The following CROCC variants were observed in gnomAD, a reference collection of about 807,000 sequenced individuals.
CROCC encodes rootletin.
A neutral mutation model predicts 245.2 loss-of-function variants in CROCC; 180 were observed. The ratio of observed to expected loss-of-function variants is 0.73; its 90% CI spans 0.65 to 0.83. CROCC has a LOEUF of 0.83. Among genes scored for constraint, CROCC ranks in the 40% least tolerant of loss-of-function variants. CROCC has a pLI of 0.00. For missense variants in CROCC, 2,688 were observed against 2,779.4 expected, an observed-to-expected ratio of 0.97 and a Z score of 0.74; for synonymous variants, 1,205 against 1,241.6, an observed-to-expected ratio of 0.97 and a Z score of 0.62.
chr1:16,939,216 G>GGGGGC (rs1445620166), intron 12 of CROCC, 74 bp downstream of exon 12: 8 of 1,261,010 alleles, frequency 6.3e-6, no homozygotes, highest in African/African-American at 1.6e-5. Context: ...GGGTGGGGGC[G>GGGGGC]GGGGCGGGGG....
Position 16,954,407 on chromosome 1 carries a change from C to T in CROCC, c.3321+50C>T. 1 of 1,574,768 alleles carries T rather than the reference C, an allele frequency of 6.4e-7. No individual in the cohort carries two copies. Among genetic ancestry groups the T allele is most frequent in the Non-Finnish European group, 8.6e-7 (1 of 1,156,918 alleles). ...CTCTGTCTCATAGAGAGGCACATCC[C>T]TGGCTGAGGAGCCCCCACCACGGGG... On this transcript the variant is annotated intron_variant, in intron 22 of 36. Transcript: ENST00000375541. The surrounding 1 kb of genome is among the most constrained non-coding windows in gnomAD (Gnocchi z 4.4).
chr1:16,939,231 T>C, intron 12 of CROCC, 89 bp downstream of exon 12: 3 of 853,990 alleles, frequency 3.5e-6, no homozygotes, highest in Non-Finnish European at 4.8e-6. Context: ...CGGGGGCAGG[T>C]CCGGGGCCAG....
chr1:16,939,622 G>T (rs12049289), intron 12 of CROCC, among the ~76,000 whole-genome samples: 26,571 of 130,600 alleles, frequency 0.2, 1 homozygote, highest in East Asian at 0.45. Context: ...CCCAGGAGAC[G>T]AGTGTGCCTG....
At chr1:16,952,083 T>TA (rs2076170827) in intron 20 of CROCC, 1 of 151,460 alleles carries the variant, frequency 6.6e-6, no homozygotes, top group South Asian at 2.1e-4. Flanking sequence ...AGAGACGGGA[T>TA]TTCACCATAT....
chr1:16,969,668 C>A lies in CROCC; in HGVS notation c.5302-117C>A, dbSNP rs191241358. On this transcript the variant is annotated intron_variant, in intron 32 of 36. Transcript: ENST00000375541. ...TGGATGGGTTTGGTGTGCACCCCAC[C>A]CTCCAGGTGAGATGACTGCCTGTTT... 8.8e-5 allele frequency: 126 copies of A among 1,427,142 alleles called. No individual in the cohort carries two copies. In the African/African-American group the frequency reaches 1.7e-3, roughly 19 times the overall value. The allele number at this position is 1,427,142 out of a possible 1,614,324, so 88.4% of individuals were successfully genotyped here.
rs2075865235 is a variant in CROCC at position 16,939,216 on chromosome 1, G to GTGGGC, written c.1608+74_1608+75insTGGGC. ...GGGCTCGCGCCCTCCGGGTGGGGGC[G>GTGGGC]GGGGCGGGGGCAGGTCCGGGGCCAG... On this transcript the variant is annotated intron_variant, in intron 12 of 36. Transcript: ENST00000375541. The GTGGGC allele has an allele frequency of 6.3e-6, 8 of 1,261,012 alleles. No individual in the cohort carries two copies. The South Asian group carries it at 7.3e-5, about 12-fold the overall frequency. 78.1% of individuals were successfully genotyped at this position (1,261,012 alleles called of 1,614,324 possible). A position where few individuals can be genotyped will look rare whatever the true frequency, so the allele number is the denominator to read the frequency against.
chr1:16,969,917 C>T lies in CROCC; in HGVS notation c.5434C>T (p.Leu1812=). The T allele has an allele frequency of 6.3e-7, 1 of 1,599,096 alleles. No individual in the cohort carries two copies. Among genetic ancestry groups the T allele is most frequent in the South Asian group, 1.1e-5 (1 of 87,928 alleles). The part of the protein sequence containing the change: ...ELQRVEAEGQ[L]QQLREVLRQR... ...GCAGCGGGTGGAGGCCGAGGGCCAG[C>T]TACAACAGCTACGGGAGGTGAGGGC... Residue 1812 remains leucine, a synonymous_variant, in exon 33 of 37, where the codon CTA becomes TTA. Coordinates refer to ENST00000375541, the MANE Select transcript of CROCC (RefSeq NM_014675.5).
Position 16,930,584 on chromosome 1 carries a change from G to A in CROCC, c.839G>A (p.Arg280His), listed in dbSNP as rs745994746. Residue 280 changes from arginine to histidine, a missense_variant, in exon 7 of 37, where the codon CGC (arginine) becomes CAC (histidine). Physicochemically the swap from Arg to His is conservative, Grantham distance 29. This residue lies in a region of CROCC where 972 missense variants were observed against 895.3 expected (regional missense o/e 1.09). Coordinates refer to ENST00000375541, the MANE Select transcript of CROCC (RefSeq NM_014675.5). ...GAGCACCGGGAGGCGGCGTGGAGGC[G>A]CGAGGAGGAGGTGGGCATGGGGGTG... is the stretch of plus-strand genomic sequence containing the variant. Reference protein sequence around the residue: ...ELEHREAAWRREEESFNAYFS... With the variant: ...ELEHREAAWRHEEESFNAYFS... 2.4e-5 allele frequency: 38 copies of A among 1,609,892 alleles called. No homozygotes were observed. Among genetic ancestry groups the A allele is most frequent in the South Asian group, 1.7e-4 (15 of 90,456 alleles).
intron 3 of CROCC, among the ~76,000 whole-genome samples, chr1:16,925,940 C>T (rs1230804052): frequency 2.2e-4 from 33 of 152,260 alleles, no homozygotes; most frequent in Admixed American, 2.1e-3. Context: ...TTGGTCCATG[C>T]ATGGCACAGT....
chr1:16,959,189 A>AT (rs2076292933), intron 26 of CROCC, among the ~76,000 whole-genome samples: 1 of 151,848 alleles, frequency 6.6e-6, no homozygotes, highest in African/African-American at 2.4e-5. Context: ...CGCCCAGCTA[A>AT]TTTTTTGTAT....
upstream of CROCC, among the ~76,000 whole-genome samples, chr1:16,921,162 C>T (rs1381902616): frequency 1.3e-5 from 2 of 152,262 alleles, no homozygotes; most frequent in African/African-American, 2.4e-5. Context: ...GTTTCATCCC[C>T]GGACGGCTCC....
In CROCC at chr1:16,962,523, A is replaced by G. The variant is rs772619212; in HGVS notation, c.4405+1393A>G. 5.6e-4 allele frequency among the ~76,000 whole-genome samples: 76 copies of G among 135,686 alleles called. 1 individual carries two copies. The highest frequency in any genetic ancestry group is 4.7e-4 in the Non-Finnish European group (30 of 64,426). The allele number at this position is 135,686 out of a possible 152,430, so 89.0% of individuals were successfully genotyped here. On this transcript the variant is annotated intron_variant, in intron 27 of 36. Transcript: ENST00000375541. ...GCACTCCAGCCTGGGCGACAGAGCTAGACTCCGTCTCAAAAAAAAAAAAAA... is the reference window on the plus strand; with the variant it reads ...GCACTCCAGCCTGGGCGACAGAGCTGGACTCCGTCTCAAAAAAAAAAAAAA...
intron 13 of CROCC, among the ~76,000 whole-genome samples, chr1:16,942,926 C>T (rs1456673368): frequency 5.9e-5 from 9 of 152,066 alleles, no homozygotes; most frequent in Non-Finnish European, 1.0e-4. Context: ...GCCAACATGG[C>T]GAAACCCCAT....
At position 16,969,591 on chromosome 1, in the gene CROCC, G is replaced by A. The variant is rs535891022; in HGVS notation, c.5302-194G>A. ...GGACCCAGGGGCAGGGTTTATTGGG[G>A]AGAGTTGGGGTCTGAGTGGGTCCCA... is the stretch of plus-strand genomic sequence containing the variant. On this transcript the variant is annotated intron_variant, in intron 32 of 36. Transcript: ENST00000375541. Among the ~76,000 whole-genome samples the A allele has an allele frequency of 4.6e-4, 70 of 152,344 alleles. 1 individual carries two copies. Among genetic ancestry groups the A allele is most frequent in the Middle Eastern group, 3.4e-3 (1 of 294 alleles).
intron 11 of CROCC, among the ~76,000 whole-genome samples, chr1:16,938,690 C>T (rs150048425): frequency 8.7e-4 from 132 of 152,386 alleles, no homozygotes; most frequent in African/African-American, 3.1e-3. Context: ...TTTGGGAGCC[C>T]ACCTGTGAGC....
In CROCC at chr1:16,930,061, T is replaced by C. The variant is rs2075631989; in HGVS notation, c.537+30T>C. On this transcript the variant is annotated intron_variant, in intron 4 of 36. Coordinates refer to ENST00000375541, the MANE Select transcript of CROCC (RefSeq NM_014675.5). ...GGACCACCCACTCCTGCTCCTGTCC[T>C]CCCACCTGTTCACTTTGCCCCGCCC... is the stretch of plus-strand genomic sequence containing the variant. The C allele has an allele frequency of 3.2e-6, 5 of 1,567,074 alleles. No homozygotes were observed. The African/African-American group carries it at 5.4e-5, about 17-fold the overall frequency.
intron 25 of CROCC, among the ~76,000 whole-genome samples, chr1:16,956,823 G>A (rs1177683762): frequency 3.9e-5 from 6 of 152,208 alleles, no homozygotes; most frequent in Non-Finnish European, 7.4e-5. Context: ...CCGTGAATTC[G>A]ATGATCTGCA....
At position 16,938,993 on chromosome 1, in the gene CROCC, C is replaced by T. The variant is rs1376558296; in HGVS notation, c.1459C>T (p.Leu487Phe). 1 of 1,604,062 alleles carries T rather than the reference C, an allele frequency of 6.2e-7. No individual in the cohort carries two copies. The highest frequency in any genetic ancestry group is 2.2e-5 in the East Asian group (1 of 44,528). ...TGCTTCCAACGGCAGCCTGCGGGGG[C>T]TCTCGGGCCAGCGGACCCCGTCCCC... ...ADASNGSLRG[L>F]SGQRTPSPPR... is the part of the protein sequence containing the mutation. Residue 487 changes from leucine (L) to phenylalanine (F), a missense_variant, in exon 12 of 37, where the codon CTC (leucine) becomes TTC (phenylalanine). This residue lies in a region of CROCC where 972 missense variants were observed against 895.3 expected (regional missense o/e 1.09). Coordinates refer to ENST00000375541, the MANE Select transcript of CROCC (RefSeq NM_014675.5).
At chr1:16,928,414 G>C (rs1226819410) in intron 3 of CROCC, among the ~76,000 whole-genome samples, 1 of 152,260 alleles carries the variant, frequency 6.6e-6, no homozygotes, top group Admixed American at 6.5e-5. Flanking sequence ...AGGGGTCTGA[G>C]GATGTGCGGG....
Sources: gnomAD v4.1 joint callset for allele counts (sites outside exome capture counted in the v4.1 genomes callset) on GRCh38, gnomAD v4.1.1 for gene constraint, gnomAD v4.1.1 regional missense constraint, Gnocchi (gnomAD v3.1) non-coding constraint, MANE v1.5 for transcripts, NCBI Gene and HGNC (gene_info 2026-07-23, HGNC 2026-07-21) for gene names.